CAMTA2: variants seen among roughly 807,000 people sequenced by gnomAD.
CAMTA2 encodes calmodulin binding transcription activator 2, also known as calmodulin-binding transcription activator 2.
Under a neutral mutation model 135.7 loss-of-function variants are expected in CAMTA2, and 56 were observed. The ratio of observed to expected loss-of-function variants is 0.41; its 90% CI spans 0.33 to 0.52. The LOEUF is 0.52. Among genes scored for constraint, CAMTA2 ranks in the 20% least tolerant of loss-of-function variants. CAMTA2 has a pLI of 0.16. For synonymous variants in CAMTA2, 591 were observed against 604.6 expected, an observed-to-expected ratio of 0.98 and a Z score of 0.33; for missense variants, 1,358 against 1,553.4, an observed-to-expected ratio of 0.87 and a Z score of 2.11.
intron 17 of CAMTA2, 90 bp from the exon 18 acceptor site, chr17:4,970,175 A>G (rs1445776574): frequency 2.1e-6 from 3 of 1,445,248 alleles, no homozygotes; most frequent in South Asian, 2.5e-5. Flanking sequence ...ACCACCAGCA[A>G]CTGAGTCTGG....
At chr17:4,972,673 G>C (rs545390864) in intron 15 of CAMTA2, 96 bp downstream of exon 15, 2 of 1,429,390 alleles carry the variant, frequency 1.4e-6, no homozygotes, top group East Asian at 4.6e-5. Flanking sequence ...TCTGTGGTTT[G>C]TCTCCTCTCT....
chr17:4,970,151 G>T, intron 17 of CAMTA2, 66 bp from the exon 18 acceptor site: 1 of 1,517,542 alleles, frequency 6.6e-7, no homozygotes, highest in Non-Finnish European at 9.1e-7. Context: ...ACCTATGGAT[G>T]GCTACGAAGG....
chr17:4,986,167 T>C (rs752373707), intron 2 of CAMTA2, 25 bp downstream of exon 2: 19 of 1,412,206 alleles, frequency 1.3e-5, no homozygotes, highest in East Asian at 1.1e-4. Flanking sequence ...TGTGGCCACA[T>C]TGGGAACCTG....
At chr17:4,983,485 A>G (rs1395123978) in intron 3 of CAMTA2, among the ~76,000 whole-genome samples, 1 of 151,566 alleles carries the variant, frequency 6.6e-6, no homozygotes, top group Non-Finnish European at 1.5e-5. Context: ...GGATTTCACC[A>G]TGTTGGTAAG....
intron 3 of CAMTA2, 87 bp from the exon 4 acceptor site, chr17:4,983,130 T>G: frequency 1.8e-6 from 2 of 1,110,042 alleles, no homozygotes; most frequent in Non-Finnish European, 2.8e-6. Context: ...TGTCTCACTC[T>G]CTGCTGAGTT....
intron 1 of CAMTA2, 95 bp downstream of exon 1, chr17:4,987,498 G>A (rs1461541791): frequency 1.4e-6 from 2 of 1,415,080 alleles, no homozygotes; most frequent in South Asian, 1.4e-5. Context: ...GAAGAGGGAC[G>A]GTGGTCCCTG....
At chr17:4,986,395 T>C (rs1332978702) in intron 1 of CAMTA2, 109 bp from the exon 2 acceptor site, 8 of 603,472 alleles carry the variant, frequency 1.3e-5, no homozygotes, top group Non-Finnish European at 2.1e-5. Flanking sequence ...CTGGGAAGGA[T>C]GAGGAAAGGG....
intron 12 of CAMTA2, 38 bp from the exon 13 acceptor site, chr17:4,973,807 C>G (rs751589353): frequency 1.3e-6 from 2 of 1,538,688 alleles, no homozygotes; most frequent in Non-Finnish European, 1.8e-6. Flanking sequence ...ACCCAGGTAT[C>G]TACTCCCCTG....
rs540458722 is a variant in CAMTA2, at chr17:4,981,337, G to A, written c.588C>T (p.Cys196=). The change falls in exon 8 of 23, where the codon TGC becomes TGT. Residue 196 remains cysteine, a synonymous_variant. Coordinates refer to ENST00000348066, the MANE Select transcript of CAMTA2 (RefSeq NM_015099.4). ...KPMFHGIKWS[C]GNGTEEFSVE... ...CAGAGAACTCTTCTGTTCCATTCCCGCAGCTCCACTTGATGCCATGAACTA... is the reference window on the plus strand; with the variant it reads ...CAGAGAACTCTTCTGTTCCATTCCCACAGCTCCACTTGATGCCATGAACTA... The A allele has an allele frequency of 5.6e-6, 9 of 1,613,998 alleles. No individual in the cohort carries two copies. The highest frequency in any genetic ancestry group is 3.3e-5 in the South Asian group (3 of 91,074).
In CAMTA2 at chr17:4,981,740, C is replaced by G. The variant is rs757925366; in HGVS notation, c.503G>C (p.Ser168Thr). 6.2e-7 allele frequency: 1 copy of G among 1,613,764 alleles called. No homozygotes were observed. The highest frequency in any genetic ancestry group is 1.1e-5 in the South Asian group (1 of 91,046). ...GCSPIFCSISSDRREWLKWSR... is the reference protein window; with the variant it reads ...GCSPIFCSISTDRREWLKWSR... ...CCACTTCAGCCACTCTCGACGGTCG[C>G]TGCTGATGGAACAAAAGATGGGGCT... is the stretch of plus-strand genomic sequence containing the variant. Residue 168 changes from serine to threonine, a missense_variant, in exon 7 of 23, where the codon AGC (serine) becomes ACC (threonine). Transcript: ENST00000348066.
chr17:4,968,771 C>T lies in CAMTA2; in HGVS notation c.3594G>A (p.Pro1198=), dbSNP rs201220600. The change falls in exon 23 of 23, where the codon CCG becomes CCA. Residue 1198 remains proline, a synonymous_variant. Transcript: ENST00000348066. The stretch of plus-strand genomic sequence containing the variant: ...GGTGGCCAGGTCATGTGGCCAGTCC[C>T]GGCTGGGGAAGCCCTTCCAGCTCCT... ...QNQELEGLPQ[P]GLAT 1 of 1,614,126 alleles carries T rather than the reference C, an allele frequency of 6.2e-7. No individual in the cohort carries two copies. Among genetic ancestry groups the T allele is most frequent in the South Asian group, 1.1e-5 (1 of 91,086 alleles).
rs1973249617 is a variant in CAMTA2, at chr17:4,985,931, A to G, written c.84T>C (p.Leu28=). 6.2e-7 allele frequency: 1 copy of G among 1,614,106 alleles called. No individual in the cohort carries two copies. Among genetic ancestry groups the G allele is most frequent in the Admixed American group, 1.7e-5 (1 of 60,016 alleles). ...IFLPKKLLEC[L]PRCPLLPPER... Reference sequence around the variant, plus strand: ...CTGGAGGCAGCAGCGGGCAGCGAGGAAGACACTCCAGCAGCTTCTTGGGGA... The same window carrying G: ...CTGGAGGCAGCAGCGGGCAGCGAGGGAGACACTCCAGCAGCTTCTTGGGGA... Residue 28 remains leucine, a synonymous_variant, in exon 3 of 23, where the codon CTT becomes CTC. Transcript: ENST00000348066.
chr17:4,975,888 C>A (rs971799663), intron 11 of CAMTA2, among the ~76,000 whole-genome samples: 13 of 152,180 alleles, frequency 8.5e-5, no homozygotes, highest in African/African-American at 2.9e-4. Flanking sequence ...CAAAAACTCC[C>A]AGATTTAAAT....
chr17:4,970,287 C>A (rs1014383393), intron 17 of CAMTA2, 53 bp downstream of exon 17: 2 of 1,591,986 alleles, frequency 1.3e-6, no homozygotes, highest in African/African-American at 2.7e-5. Context: ...AGCTTTCTCC[C>A]TTCCTCCCAT....
chr17:4,970,105 A>C lies in CAMTA2; in HGVS notation c.3006-20T>G. 6.2e-7 allele frequency: 1 copy of C among 1,610,954 alleles called. No homozygotes were observed. The highest frequency in any genetic ancestry group is 8.5e-7 in the Non-Finnish European group (1 of 1,177,978). On this transcript the variant is annotated intron_variant, in intron 17 of 22. Coordinates refer to ENST00000348066, the MANE Select transcript of CAMTA2 (RefSeq NM_015099.4). ...AGTTCGCTGTAGGCGGTAGGGAAAG[A>C]GGGTGTCATGAAGCATCTGAAGTCC... is the stretch of plus-strand genomic sequence containing the variant.
chr17:4,980,088 C>A lies in CAMTA2; in HGVS notation c.1234G>T (p.Ala412Ser). Residue 412 changes from alanine (A) to serine (S), a missense_variant, in exon 9 of 23, where the codon GCC (alanine) becomes TCC (serine). Ala to Ser is a moderately conservative substitution (Grantham distance 99). Around this residue, in one of 4 missense-constraint regions of CAMTA2, gnomAD observed 1,077 missense variants for 1,127.5 expected, o/e 0.96. Coordinates refer to ENST00000348066, the MANE Select transcript of CAMTA2 (RefSeq NM_015099.4). This position sits in a 1 kb window ranked among gnomAD's most constrained non-coding sequence, Gnocchi z 5.3. The part of the protein sequence containing the change: ...EAEAAHTPCS[A>S]LEPAAALEPQ... ...TCCAGGGCAGCAGCAGGCTCTAGGG[C>A]AGAACAGGGGGTATGAGCGGCCTCT... 6 of 1,613,456 alleles carry A rather than the reference C, an allele frequency of 3.7e-6. No homozygotes were observed. The East Asian group carries it at 1.3e-4, about 36-fold the overall frequency.
intron 17 of CAMTA2, 84 bp downstream of exon 17, chr17:4,970,256 A>C (rs996391390): frequency 1.3e-6 from 2 of 1,512,554 alleles, no homozygotes; most frequent in African/African-American, 1.4e-5. Context: ...GCCAGAATGG[A>C]GCTTTGGCTG....
At position 4,987,598 on chromosome 17, in the gene CAMTA2, G is replaced by A. The variant is rs1188302450; in HGVS notation, c.-70C>T. On this transcript the variant is annotated 5_prime_UTR_variant, in exon 1 of 23. Coordinates refer to ENST00000348066, the MANE Select transcript of CAMTA2 (RefSeq NM_015099.4). ...CGAGAGGCCCTGGCTCTTACCTCCC[G>A]GGGTCCCGCGGGTGACGGCGGCAGC... The A allele has an allele frequency of 6.5e-7, 1 of 1,526,920 alleles. No homozygotes were observed. Among genetic ancestry groups the A allele is most frequent in the Non-Finnish European group, 8.8e-7 (1 of 1,142,644 alleles). The allele number at this position is 1,526,920 out of a possible 1,614,324, so 94.6% of individuals were successfully genotyped here.
chr17:4,972,319 G>A lies in CAMTA2; in HGVS notation c.2721C>T (p.Leu907=), dbSNP rs1873231622. 1 of 1,613,856 alleles carries A rather than the reference G, an allele frequency of 6.2e-7. No homozygotes were observed. The highest frequency in any genetic ancestry group is 1.7e-5 in the Admixed American group (1 of 59,990). Reference sequence around the variant, plus strand: ...CTGGTGGGAGGGCAGGAAGGGAGGAGAGGGGCCCCTTGGAGTTGGTAGCCT... The same window carrying A: ...CTGGTGGGAGGGCAGGAAGGGAGGAAAGGGGCCCCTTGGAGTTGGTAGCCT... ...DYEATNSKGP[L]SSLPALPPAS... Residue 907 remains leucine (L), a synonymous_variant, in exon 16 of 23, where the codon CTC becomes CTT. Coordinates refer to ENST00000348066, the MANE Select transcript of CAMTA2 (RefSeq NM_015099.4).
Sources: gnomAD v4.1 joint callset for allele counts (sites outside exome capture counted in the v4.1 genomes callset) on GRCh38, gnomAD v4.1.1 for gene constraint, gnomAD v4.1.1 regional missense constraint, Gnocchi (gnomAD v3.1) non-coding constraint, MANE v1.5 for transcripts, NCBI Gene and HGNC (gene_info 2026-07-23, HGNC 2026-07-21) for gene names.